Variants in SLC2A9 observed in about 807,000 individuals in gnomAD.
SLC2A9 encodes solute carrier family 2, facilitated glucose transporter member 9.
SLC2A9 carries 39 observed loss-of-function variants against 50.6 expected under a neutral mutation model. The ratio of observed to expected loss-of-function variants is 0.77; its 90% confidence interval spans 0.60 to 1.01. The LOEUF is 1.01. Ranked by LOEUF, SLC2A9 falls within the 50% of genes least tolerant of loss-of-function variation. The pLI, the probability that SLC2A9 is intolerant of heterozygous loss-of-function variation, is 0.00. For synonymous variants in SLC2A9, 324 were observed against 276.9 expected (o/e 1.17, Z -1.69); for missense variants, 686 against 677.6 (o/e 1.01, Z -0.14).
intron 10 of SLC2A9, chr4:9,880,021 T>TC: frequency 1.0e-6 from 1 of 985,426 alleles, no homozygotes; most frequent in Non-Finnish European, 1.2e-6. Flanking sequence ...TCCTGGGAGA[T>TC]CCATCCCTCT....
At chr4:10,034,657 C>T (rs1002371436) in intron 1 of SLC2A9, 4 of 152,340 alleles carry the variant, frequency 2.6e-5, no homozygotes, top group African/African-American at 4.8e-5. Context: ...GCTTCTGTGT[C>T]CTCATCTGTA....
chr4:10,002,400 C>T (rs1369071023), intron 2 of SLC2A9, among the ~76,000 whole-genome samples: 2 of 152,206 alleles, frequency 1.3e-5, no homozygotes, highest in Admixed American at 1.3e-4. Flanking sequence ...AGTTATATAA[C>T]CTGCCCACAG....
intron 3 of SLC2A9, chr4:9,782,880 T>C (rs1346103717): frequency 1.2e-6 from 2 of 1,613,812 alleles, no homozygotes; most frequent in African/African-American, 2.7e-5. Context: ...GACACCAGCC[T>C]GCGCGCTTCC....
chr4:9,782,235 G>A, intron 3 of SLC2A9: 4 of 1,613,236 alleles, frequency 2.5e-6, no homozygotes, highest in South Asian at 2.2e-5. Flanking sequence ...GTGCGGAGCC[G>A]CCACCTGCGC....
intron 6 of SLC2A9, among the ~76,000 whole-genome samples, chr4:9,931,954 CTCTCTCTCTATATATATATATATATATA>C (rs1746114618): frequency 4.0e-5 from 2 of 50,568 alleles, no homozygotes; most frequent in Admixed American, 4.6e-4. Flanking sequence ...CTCTCTCTCT[CTCTCTCTCTATATATATATATATATATA>C]TATATATATA....
chr4:9,937,330 G>A (rs1747274096), intron 6 of SLC2A9, among the ~76,000 whole-genome samples: 1 of 152,104 alleles, frequency 6.6e-6, no homozygotes, highest in Non-Finnish European at 1.5e-5. Context: ...GTTTTCTGTA[G>A]GAGACATTTA....
At chr4:9,908,179 C>T (rs981869059) in intron 8 of SLC2A9, 56 bp downstream of exon 8, 3 of 1,173,894 alleles carry the variant, frequency 2.6e-6, no homozygotes, top group Middle Eastern at 2.0e-4. Context: ...TGAACATTCC[C>T]ACTGTGCTGT....
At chr4:9,892,796 G>C (rs1737773985) in intron 8 of SLC2A9, among the ~76,000 whole-genome samples, 1 of 152,156 alleles carries the variant, frequency 6.6e-6, no homozygotes, top group Non-Finnish European at 1.5e-5. Context: ...GTGTGGCCTT[G>C]AACAAGTTAA....
intron 6 of SLC2A9, among the ~76,000 whole-genome samples, chr4:9,927,237 G>C (rs1048280368): frequency 6.6e-6 from 1 of 152,048 alleles, no homozygotes; most frequent in Non-Finnish European, 1.5e-5. Context: ...GGCTGGTCTC[G>C]AACTCCTGAC....
downstream of SLC2A9, among the ~76,000 whole-genome samples, chr4:9,821,455 C>T (rs1382025131): frequency 5.3e-5 from 8 of 152,022 alleles, no homozygotes; most frequent in African/African-American, 1.4e-4. Context: ...AATGAGAACA[C>T]GTGGACACAG....
intron 8 of SLC2A9, among the ~76,000 whole-genome samples, chr4:9,891,364 T>C (rs1397436749): frequency 3.3e-5 from 5 of 152,318 alleles, no homozygotes; most frequent in African/African-American, 4.8e-5. Flanking sequence ...AAAGAGTAAT[T>C]GTAGCCGAAT....
intron 1 of SLC2A9, among the ~76,000 whole-genome samples, chr4:10,028,276 CT>C (rs542696239): frequency 1.3e-5 from 2 of 152,328 alleles, no homozygotes; most frequent in East Asian, 3.9e-4. Context: ...ATGTGACTCC[CT>C]TTTCATGAGA....
At chr4:9,963,404 A>G (rs554151667) in intron 5 of SLC2A9, among the ~76,000 whole-genome samples, 2 of 152,306 alleles carry the variant, frequency 1.3e-5, no homozygotes, top group Admixed American at 1.3e-4. Flanking sequence ...GTCAAGGGAA[A>G]TGTGTACCTT....
At chr4:9,949,037 G>A (rs1430198540) in intron 5 of SLC2A9, among the ~76,000 whole-genome samples, 4 of 152,292 alleles carry the variant, frequency 2.6e-5, no homozygotes, top group African/African-American at 9.6e-5. Flanking sequence ...GGCCATTTTA[G>A]CAAGAACCCC....
chr4:9,791,187 C>A lies in SLC2A9; in HGVS notation n.386-11122G>T, dbSNP rs189941972. 3.1e-3 allele frequency among the ~76,000 whole-genome samples: 465 copies of A among 152,026 alleles called. 6 individuals carry two copies. The highest frequency in any genetic ancestry group is 0.011 in the African/African-American group (456 of 41,458). ...ATTCCTTGTTGGCAAAATGGGAATG[C>A]AAAATAAATAAGGAGTCTATAGTCA... On this transcript the variant is annotated intron_variant and non_coding_transcript_variant, in intron 3 of 3. Transcript: ENST00000503803.
At chr4:9,873,896 C>T (rs1446946021) in intron 10 of SLC2A9, among the ~76,000 whole-genome samples, 1 of 152,242 alleles carries the variant, frequency 6.6e-6, no homozygotes, top group Non-Finnish European at 1.5e-5. Flanking sequence ...TCCCAAGCCT[C>T]TCCCATATTC....
At chr4:9,908,069 A>G (rs184307796) in intron 8 of SLC2A9, among the ~76,000 whole-genome samples, 166 bp downstream of exon 8, 5 of 152,306 alleles carry the variant, frequency 3.3e-5, no homozygotes, top group African/African-American at 4.8e-5. Flanking sequence ...TCCCCATCCC[A>G]GCTATTTCTT....
At chr4:9,951,314 G>GTA (rs139144507) in intron 5 of SLC2A9, among the ~76,000 whole-genome samples, 42,698 of 152,006 alleles carry the variant, frequency 0.28, 6,847 homozygotes, top group African/African-American at 0.43. Flanking sequence ...TGTGGAGAGT[G>GTA]TAAAGATAGA....
chr4:9,896,397 A>G (rs922965882), intron 8 of SLC2A9, among the ~76,000 whole-genome samples: 2 of 152,152 alleles, frequency 1.3e-5, no homozygotes, highest in Non-Finnish European at 2.9e-5. Flanking sequence ...GATGTTTTGG[A>G]ACTCTTCTTT....
Sources: allele counts gnomAD v4.1 joint callset (sites outside exome capture counted in the v4.1 genomes callset), GRCh38; gene constraint gnomAD v4.1.1; transcripts MANE v1.5; gene names NCBI Gene and HGNC (gene_info 2026-07-23, HGNC 2026-07-21).